Variants in CSMD1 observed in about 807,000 individuals in gnomAD.
CSMD1 encodes the protein CUB and Sushi multiple domains 1, also known as CUB and sushi domain-containing protein 1.
CSMD1 carries 213 observed loss-of-function variants against 417.5 expected under a neutral mutation model. That is an observed-to-expected ratio of 0.51 (90% CI 0.46 to 0.57). The LOEUF is 0.57. Among genes scored for constraint, CSMD1 ranks in the 20% least tolerant of loss-of-function variants. The probability of loss-of-function intolerance (pLI) is 0.00; values close to 1 mark genes in which losing one functional copy is unlikely to be tolerated. For synonymous variants in CSMD1, 2,862 were observed against 1,736.8 expected (o/e 1.65, Z -16.11); for missense variants, 6,923 against 4,529.7 (o/e 1.53, Z -15.17).
intron 26 of CSMD1, among the ~76,000 whole-genome samples, chr8:3,268,576 G>A (rs192091326): frequency 2.0e-5 from 3 of 152,008 alleles, no homozygotes; most frequent in Non-Finnish European, 4.4e-5. Flanking sequence ...GTGAGCCACC[G>A]TGCCAGGCCC....
intron 5 of CSMD1, among the ~76,000 whole-genome samples, chr8:3,971,873 T>C (rs1368534348): frequency 1.3e-5 from 2 of 152,158 alleles, no homozygotes; most frequent in Non-Finnish European, 1.5e-5. Flanking sequence ...TAGGTTTCTG[T>C]TTCTTTGTTG....
chr8:4,325,896 G>A (rs1563057531), intron 3 of CSMD1, among the ~76,000 whole-genome samples: 3 of 152,142 alleles, frequency 2.0e-5, no homozygotes, highest in East Asian at 1.9e-4. Flanking sequence ...CACATGGTCA[G>A]AATATAATAG....
chr8:3,238,369 G>T (rs1309406065), intron 26 of CSMD1, among the ~76,000 whole-genome samples: 4 of 152,044 alleles, frequency 2.6e-5, no homozygotes, highest in African/African-American at 9.7e-5. Flanking sequence ...AGGTCACAGG[G>T]GATATGATGG....
chr8:4,102,986 A>G (rs1476346177), intron 3 of CSMD1, among the ~76,000 whole-genome samples: 1 of 152,168 alleles, frequency 6.6e-6, no homozygotes, highest in Admixed American at 6.5e-5. Flanking sequence ...GCCAGCAAAT[A>G]AAAATATTTG....
At chr8:4,729,620 G>C (rs1186726046) in intron 1 of CSMD1, among the ~76,000 whole-genome samples, 2 of 152,186 alleles carry the variant, frequency 1.3e-5, no homozygotes, top group South Asian at 4.1e-4. Flanking sequence ...CTGTGAGCAG[G>C]TGAGAAAGGG....
chr8:4,371,236 T>C (rs1231147858), intron 3 of CSMD1, among the ~76,000 whole-genome samples: 3 of 152,114 alleles, frequency 2.0e-5, no homozygotes, highest in African/African-American at 7.2e-5. Context: ...CCGTGGGGGA[T>C]TAGGACCAGG....
At chr8:4,496,895 T>G (rs1802005135) in intron 2 of CSMD1, among the ~76,000 whole-genome samples, 1 of 152,220 alleles carries the variant, frequency 6.6e-6, no homozygotes, top group Non-Finnish European at 1.5e-5. Context: ...TTCCAGACCA[T>G]TTAATGCTTG....
At chr8:4,759,725 T>C (rs1432144797) in intron 1 of CSMD1, among the ~76,000 whole-genome samples, 1 of 152,180 alleles carries the variant, frequency 6.6e-6, no homozygotes, top group Non-Finnish European at 1.5e-5. Flanking sequence ...CTATCCATGT[T>C]CCTGAAAAAG....
At chr8:3,745,574 C>T (rs865828018) in intron 6 of CSMD1, among the ~76,000 whole-genome samples, 4 of 152,218 alleles carry the variant, frequency 2.6e-5, no homozygotes, top group East Asian at 3.9e-4. Context: ...GCTACGCTTG[C>T]TCCTCAACCA....
intron 3 of CSMD1, among the ~76,000 whole-genome samples, chr8:4,079,575 G>C (rs1021251107): frequency 6.6e-6 from 1 of 152,156 alleles, no homozygotes; most frequent in Non-Finnish European, 1.5e-5. Flanking sequence ...TCACTTTAAA[G>C]TAAAAACACT....
Position 3,611,832 on chromosome 8 carries a change from A to G in CSMD1, c.1097+4878T>C, listed in dbSNP as rs550266146. 4.6e-5 allele frequency among the ~76,000 whole-genome samples: 7 copies of G among 152,272 alleles called. No individual in the cohort carries two copies. The South Asian group carries it at 1.4e-3, about 32-fold the overall frequency. On this transcript the variant is annotated intron_variant, in intron 8 of 69. Transcript: ENST00000635120. ...GTATGAGGTACAAAATCATGCATAT[A>G]CAAAAAATTAATTTAGGACAGAAGT...
chr8:4,482,250 C>A (rs568992318), intron 2 of CSMD1, among the ~76,000 whole-genome samples: 1 of 152,174 alleles, frequency 6.6e-6, no homozygotes, highest in Non-Finnish European at 1.5e-5. Context: ...CTTCTCCCAT[C>A]CTCCACCCTT....
chr8:3,776,805 G>GACATATATATATATATATATAT (rs1411200186), intron 5 of CSMD1, among the ~76,000 whole-genome samples: 5 of 96,766 alleles, frequency 5.2e-5, no homozygotes, highest in African/African-American at 2.5e-4. Flanking sequence ...ACATATAGAC[G>GACATATATATATATATATATAT]AGATATATAT....
chr8:4,709,722 G>A (rs1196046506), intron 1 of CSMD1, among the ~76,000 whole-genome samples: 3 of 152,212 alleles, frequency 2.0e-5, no homozygotes, highest in Non-Finnish European at 2.9e-5. Context: ...GGGAAGCATA[G>A]CAGGAAGGCT....
chr8:3,828,340 T>C (rs965883113), intron 5 of CSMD1, among the ~76,000 whole-genome samples: 2 of 152,200 alleles, frequency 1.3e-5, no homozygotes, highest in Non-Finnish European at 2.9e-5. Context: ...AATGAATCTA[T>C]AATTAAGAAT....
At chr8:3,703,976 C>G (rs1254187538) in intron 7 of CSMD1, among the ~76,000 whole-genome samples, 1 of 152,154 alleles carries the variant, frequency 6.6e-6, no homozygotes, top group Non-Finnish European at 1.5e-5. Context: ...GAGGCTGAGA[C>G]AGGAGAATCA....
At chr8:3,888,163 C>A (rs1435764136) in intron 5 of CSMD1, among the ~76,000 whole-genome samples, 4 of 152,164 alleles carry the variant, frequency 2.6e-5, no homozygotes, top group African/African-American at 7.2e-5. Context: ...CAATGTTCGT[C>A]ATCCCATAAA....
chr8:3,842,391 G>C (rs1278149030), intron 5 of CSMD1, among the ~76,000 whole-genome samples: 4 of 152,050 alleles, frequency 2.6e-5, no homozygotes, highest in Non-Finnish European at 5.9e-5. Flanking sequence ...CAAAAATCCT[G>C]ACAGTTGGCT....
chr8:4,203,628 G>A (rs1222149567), intron 3 of CSMD1, among the ~76,000 whole-genome samples: 2 of 152,124 alleles, frequency 1.3e-5, no homozygotes, highest in African/African-American at 4.8e-5. Context: ...ATGTATGGCT[G>A]GGGGTGGACA....
Sources: allele counts gnomAD v4.1 joint callset (sites outside exome capture counted in the v4.1 genomes callset), GRCh38; gene constraint gnomAD v4.1.1; transcripts MANE v1.5; gene names NCBI Gene and HGNC (gene_info 2026-07-23, HGNC 2026-07-21).